Variants in TCF4 observed in about 807,000 individuals in gnomAD.
TCF4 encodes the protein SL3-3 enhancer factor 2.
A neutral mutation model predicts 82.1 loss-of-function variants in TCF4; 3 were observed. The ratio of observed to expected loss-of-function variants is 0.04; its 90% confidence interval spans 0.02 to 0.09. The LOEUF is 0.09. TCF4 is among the 10% of genes least tolerant of loss of function. The probability of loss-of-function intolerance (pLI) is 1.00; values close to 1 mark genes in which losing one functional copy is unlikely to be tolerated. For missense variants in TCF4, 518 were observed against 852.7 expected, an observed-to-expected ratio of 0.61 and a Z score of 4.89; for synonymous variants, 276 against 309.6, an observed-to-expected ratio of 0.89 and a Z score of 1.14.
chr18:55,226,680 T>C lies in TCF4; in HGVS notation c.*1355A>G, dbSNP rs544841959. 6.6e-6 allele frequency: 1 copy of C among 151,676 alleles called. No homozygotes were observed. Among genetic ancestry groups the C allele is most frequent in the South Asian group, 2.1e-4 (1 of 4,780 alleles). The allele number at this position is 151,676 out of a possible 1,614,324, so 9.4% of individuals were successfully genotyped here. ...GGAGGCAGTTAAGTCATCTACATTTTAGTAAACCCATTTTGAAAAAAAAAA... is the reference window on the plus strand; with the variant it reads ...GGAGGCAGTTAAGTCATCTACATTTCAGTAAACCCATTTTGAAAAAAAAAA... On this transcript the variant is annotated 3_prime_UTR_variant, in exon 20 of 20. Coordinates refer to ENST00000354452, the MANE Select transcript of TCF4 (RefSeq NM_001083962.2).
At chr18:55,542,388 G>A (rs1207176883) in intron 3 of TCF4, among the ~76,000 whole-genome samples, 1 of 151,862 alleles carries the variant, frequency 6.6e-6, no homozygotes, top group Admixed American at 6.6e-5. Context: ...TGTATCTTAG[G>A]TACTGAATTC....
chr18:55,589,941 C>G (rs2097681243), upstream of TCF4: 1 of 620,794 alleles, frequency 1.6e-6, no homozygotes. Context: ...TCGACCACGC[C>G]TCCTCCGGGA....
intron 6 of TCF4, among the ~76,000 whole-genome samples, chr18:55,369,895 T>G (rs1305833231): frequency 6.6e-6 from 1 of 150,758 alleles, no homozygotes; most frequent in Non-Finnish European, 1.5e-5. Context: ...AATTAAAAAG[T>G]GAACATCAGA....
intron 3 of TCF4, chr18:55,510,500 T>C: frequency 8.9e-7 from 1 of 1,120,080 alleles, no homozygotes; most frequent in Non-Finnish European, 1.2e-6. Flanking sequence ...AATTCAAACT[T>C]CTAAGGATAC....
intron 2 of TCF4, among the ~76,000 whole-genome samples, chr18:55,595,639 GA>G (rs1361332060): frequency 7.2e-5 from 11 of 152,002 alleles, no homozygotes; most frequent in African/African-American, 1.9e-4. Flanking sequence ...AAAGGAAAAG[GA>G]AAAAAATAAA....
At chr18:55,485,343 C>A (rs1409056691) in intron 3 of TCF4, among the ~76,000 whole-genome samples, 1 of 152,176 alleles carries the variant, frequency 6.6e-6, no homozygotes, top group African/African-American at 2.4e-5. Context: ...TCCACCAGCA[C>A]CCCAGTAGGT....
At chr18:55,260,759 C>T (rs188971912) in intron 12 of TCF4, among the ~76,000 whole-genome samples, 4 of 152,190 alleles carry the variant, frequency 2.6e-5, no homozygotes, top group Admixed American at 1.3e-4. Flanking sequence ...AGGGCTTCAC[C>T]GTGTTGGCCA....
At chr18:55,256,413 C>T (rs1017689039) in intron 14 of TCF4, among the ~76,000 whole-genome samples, 2 of 152,138 alleles carry the variant, frequency 1.3e-5, no homozygotes, top group African/African-American at 2.4e-5. Flanking sequence ...ATATGTTTCA[C>T]TGTCTGGTTT....
At chr18:55,598,889 G>A (rs1461159854) in intron 2 of TCF4, among the ~76,000 whole-genome samples, 1 of 152,164 alleles carries the variant, frequency 6.6e-6, no homozygotes, top group Non-Finnish European at 1.5e-5. Context: ...ATGATACCAA[G>A]ATGGCTACCA....
chr18:55,402,077 G>T (rs561033622), intron 6 of TCF4: 1 of 985,356 alleles, frequency 1.0e-6, no homozygotes, highest in Non-Finnish European at 1.2e-6. Flanking sequence ...TTTCCGTTGC[G>T]CTGGAATGGC....
At chr18:55,317,326 A>G (rs2074387925) in intron 8 of TCF4, among the ~76,000 whole-genome samples, 1 of 152,104 alleles carries the variant, frequency 6.6e-6, no homozygotes, top group African/African-American at 2.4e-5. Context: ...TTGCTGTGTA[A>G]TAGCAAGTAA....
At chr18:55,267,592 C>T (rs1234387575) in intron 11 of TCF4, 2 of 152,076 alleles carry the variant, frequency 1.3e-5, no homozygotes, top group Non-Finnish European at 2.9e-5. Flanking sequence ...TAAAGAAAAA[C>T]ATTCTAGAAT....
At chr18:55,253,373 C>T (rs375401602) in intron 15 of TCF4, among the ~76,000 whole-genome samples, 1 of 152,076 alleles carries the variant, frequency 6.6e-6, no homozygotes, top group Non-Finnish European at 1.5e-5. Flanking sequence ...TTTAGCGAGC[C>T]TGTAAGGGGC....
rs535835397 is a variant in TCF4, at chr18:55,287,560, G to A, written c.550-7904C>T. On this transcript the variant is annotated intron_variant, in intron 8 of 19. Transcript: ENST00000354452. ...AAAATGTCAAGAGGATCCAGGAGAC[G>A]GCACCAGGAAGCAGCAGAGACCTGG... Among the ~76,000 whole-genome samples, 22 of 152,238 alleles carry A rather than the reference G, an allele frequency of 1.4e-4. 1 individual carries two copies. The South Asian group carries it at 4.6e-3, about 32-fold the overall frequency.
intron 8 of TCF4, among the ~76,000 whole-genome samples, chr18:55,324,139 T>C (rs1176901524): frequency 1.3e-5 from 2 of 152,208 alleles, no homozygotes; most frequent in African/African-American, 4.8e-5. Flanking sequence ...CACATAAGAC[T>C]GAAAAAATTA....
intron 3 of TCF4, among the ~76,000 whole-genome samples, chr18:55,488,426 C>T (rs550524150): frequency 2.6e-5 from 4 of 151,504 alleles, no homozygotes; most frequent in African/African-American, 9.7e-5. Context: ...TTTTTGGCCC[C>T]AGAAGAGGTT....
intron 3 of TCF4, among the ~76,000 whole-genome samples, chr18:55,541,129 A>T (rs1207765829): frequency 6.6e-6 from 1 of 151,992 alleles, no homozygotes; most frequent in Non-Finnish European, 1.5e-5. Context: ...TATGCCCATA[A>T]AGTGATACAT....
intron 8 of TCF4, among the ~76,000 whole-genome samples, chr18:55,315,234 A>C (rs1053893079): frequency 6.6e-6 from 1 of 152,096 alleles, no homozygotes; most frequent in Non-Finnish European, 1.5e-5. Flanking sequence ...CCCCTTTTTT[A>C]GGTGGGGAGA....
chr18:55,234,857 CTT>C (rs2048907207), intron 15 of TCF4, among the ~76,000 whole-genome samples, 174 bp from the exon 16 acceptor site: 1 of 152,186 alleles, frequency 6.6e-6, no homozygotes. Flanking sequence ...GGCGAAAACA[CTT>C]AACACTCAGT....
Sources: gnomAD v4.1 joint callset for allele counts (sites outside exome capture counted in the v4.1 genomes callset) on GRCh38, gnomAD v4.1.1 for gene constraint, MANE v1.5 for transcripts, NCBI Gene and HGNC (gene_info 2026-07-23, HGNC 2026-07-21) for gene names.